The following SOS2 variants were observed in gnomAD, a reference collection of about 807,000 sequenced individuals.
SOS2 encodes the protein son of sevenless homolog 2.
A neutral mutation model predicts 148.2 loss-of-function variants in SOS2; 65 were observed. The ratio of observed to expected loss-of-function variants is 0.44; its 90% CI spans 0.36 to 0.54. SOS2 has a LOEUF of 0.54. SOS2 is among the 20% of genes least tolerant of loss of function. The probability of loss-of-function intolerance (pLI) is 0.00; values close to 1 mark genes in which losing one functional copy is unlikely to be tolerated. For missense variants in SOS2, 1,341 were observed against 1,590.2 expected, an observed-to-expected ratio of 0.84 and a Z score of 2.67; for synonymous variants, 539 against 537.1, an observed-to-expected ratio of 1.00 and a Z score of -0.05.
chr14:50,192,025 G>A (rs1300712724), intron 4 of SOS2, among the ~76,000 whole-genome samples: 1 of 149,572 alleles, frequency 6.7e-6, no homozygotes, highest in Non-Finnish European at 1.5e-5. Flanking sequence ...GGTGGTTCAA[G>A]CCTGTGGTCC....
At chr14:50,140,189 G>A (rs1475510222) in intron 16 of SOS2, 130 bp from the exon 17 acceptor site, 1 of 553,384 alleles carries the variant, frequency 1.8e-6, no homozygotes. Context: ...AAGATGAGTG[G>A]TATTCCTTTG....
At chr14:50,188,450 C>A in intron 5 of SOS2, 47 bp downstream of exon 5, 1 of 1,232,434 alleles carries the variant, frequency 8.1e-7, no homozygotes, top group South Asian at 1.3e-5. Flanking sequence ...TTAAGCTGGT[C>A]TGGTTTTTTG....
chr14:50,227,704 T>C (rs1887422677), intron 1 of SOS2, among the ~76,000 whole-genome samples: 1 of 152,240 alleles, frequency 6.6e-6, no homozygotes, highest in Non-Finnish European at 1.5e-5. Flanking sequence ...ATTACAGGCA[T>C]GAGCCACTGC....
In SOS2 at chr14:50,156,979, A is replaced by AT. The variant is rs1884842647; in HGVS notation, c.2057+19_2057+20insA. 2.2e-6 allele frequency: 3 copies of AT among 1,346,844 alleles called. No homozygotes were observed. Among genetic ancestry groups the AT allele is most frequent in the Non-Finnish European group, 2.0e-6 (2 of 977,374 alleles). 83.4% of individuals were successfully genotyped at this position (1,346,844 alleles called of 1,614,324 possible). On this transcript the variant is annotated intron_variant, in intron 12 of 22. Transcript: ENST00000216373. ...TATATATGTGTATATATATATATATAAAAAATATTCAAGCCAAACCTAAGT... is the reference window on the plus strand; with the variant it reads ...TATATATGTGTATATATATATATATATAAAAATATTCAAGCCAAACCTAAGT...
In SOS2 at chr14:50,157,106, CT is replaced by C; in HGVS notation, c.1949del (p.Glu650GlyfsTer12). 6.2e-7 allele frequency: 1 copy of C among 1,611,264 alleles called. No individual in the cohort carries two copies. The highest frequency in any genetic ancestry group is 8.5e-7 in the Non-Finnish European group (1 of 1,178,280). ...SLLIERFEIP[E>X]PEPTDADKLA... ...ATTTGTCTGCGTCAGTAGGTTCTGGCTCTGGAATTTCAAACCTAAGAAGAAA... is the reference window on the plus strand; with the variant it reads ...ATTTGTCTGCGTCAGTAGGTTCTGGCCTGGAATTTCAAACCTAAGAAGAAA... On this transcript the variant is annotated frameshift_variant, in exon 12 of 23. Coordinates refer to ENST00000216373, the MANE Select transcript of SOS2 (RefSeq NM_006939.4). LOFTEE classifies it high-confidence loss of function.
chr14:50,134,216 G>A lies in SOS2; in HGVS notation c.2982C>T (p.Pro994=), dbSNP rs1432970491. ...ACTCTTTTTCAGATGCACTTCCCATGGGGTTAAGGTTTTCAAAGAATCTCT... is the reference window on the plus strand; with the variant it reads ...ACTCTTTTTCAGATGCACTTCCCATAGGGTTAAGGTTTTCAAAGAATCTCT... ...DMRRFFENLN[P]MGSASEKEFT... is the part of the protein sequence containing the mutation. The change falls in exon 19 of 23, where the codon CCC becomes CCT. Residue 994 remains proline, a synonymous_variant. Transcript: ENST00000216373. The A allele has an allele frequency of 1.3e-6, 2 of 1,585,658 alleles. No homozygotes were observed. The highest frequency in any genetic ancestry group is 1.7e-6 in the Non-Finnish European group (2 of 1,157,732).
intron 14 of SOS2, among the ~76,000 whole-genome samples, chr14:50,147,867 AT>A (rs1306999431): frequency 6.6e-6 from 1 of 152,124 alleles, no homozygotes; most frequent in Non-Finnish European, 1.5e-5. Context: ...CACACCTGTA[AT>A]CCCAGCACCT....
intron 7 of SOS2, among the ~76,000 whole-genome samples, chr14:50,175,195 A>G (rs1885483733): frequency 6.6e-6 from 1 of 152,214 alleles, no homozygotes; most frequent in Non-Finnish European, 1.5e-5. Context: ...AGGTATGAGA[A>G]CTTTACAAGC....
intron 6 of SOS2, among the ~76,000 whole-genome samples, chr14:50,182,112 T>C (rs897459291): frequency 1.3e-5 from 2 of 152,068 alleles, no homozygotes; most frequent in African/African-American, 4.8e-5. Flanking sequence ...ATATAGGCAA[T>C]GTGATTTTAG....
At chr14:50,209,276 T>C (rs1432738171) in intron 1 of SOS2, among the ~76,000 whole-genome samples, 1 of 41,184 alleles carries the variant, frequency 2.4e-5, no homozygotes, top group Non-Finnish European at 3.8e-5. Context: ...TTAAATGTCG[T>C]GTGTGTGTGT....
At position 50,202,128 on chromosome 14, in the gene SOS2, A is replaced by G. The variant is rs77031319; in HGVS notation, c.214-1044T>C. ...CAAGCACATACCCCTACTCTTGGCT[A>G]ATTTTTCTATTTTTTGTAGAGACAG... On this transcript the variant is annotated intron_variant, in intron 2 of 22. Transcript: ENST00000216373. Among the ~76,000 whole-genome samples, 1,392 of 152,210 alleles carry G rather than the reference A, an allele frequency of 9.1e-3. 19 individuals are homozygous for G. Among genetic ancestry groups the G allele is most frequent in the African/African-American group, 0.031 (1,279 of 41,522 alleles).
intron 4 of SOS2, among the ~76,000 whole-genome samples, chr14:50,197,915 C>T (rs1276383564): frequency 6.6e-6 from 1 of 151,712 alleles, no homozygotes; most frequent in Non-Finnish European, 1.5e-5. Context: ...GGTTTGAACT[C>T]CTGACCTTAA....
intron 21 of SOS2, among the ~76,000 whole-genome samples, chr14:50,125,579 A>G (rs1883655287): frequency 7.5e-6 from 1 of 132,460 alleles, no homozygotes; most frequent in Non-Finnish European, 1.6e-5. Flanking sequence ...ATTATAATGT[A>G]TATGGAGACA....
chr14:50,229,295 T>C (rs1887467566), intron 1 of SOS2, among the ~76,000 whole-genome samples: 1 of 152,312 alleles, frequency 6.6e-6, no homozygotes, highest in South Asian at 2.1e-4. Context: ...AGTAAGTTAA[T>C]AGAAAATGTT....
chr14:50,187,985 A>G (rs1271938445), intron 5 of SOS2, among the ~76,000 whole-genome samples: 1 of 152,216 alleles, frequency 6.6e-6, no homozygotes, highest in Non-Finnish European at 1.5e-5. Flanking sequence ...ACCCCAGTAT[A>G]AACCTCCTTC....
At chr14:50,228,884 A>G (rs1196867811) in intron 1 of SOS2, among the ~76,000 whole-genome samples, 3 of 152,228 alleles carry the variant, frequency 2.0e-5, no homozygotes, top group African/African-American at 7.2e-5. Context: ...AAGTGAATTA[A>G]TGAAGCTAGA....
intron 10 of SOS2, 25 bp from the exon 11 acceptor site, chr14:50,158,671 G>A: frequency 2.1e-6 from 3 of 1,450,004 alleles, no homozygotes; most frequent in Admixed American, 1.8e-5. Flanking sequence ...CATAAAATAG[G>A]TTTCATGTTT....
chr14:50,145,427 G>A lies in SOS2; in HGVS notation c.2504+50C>T, dbSNP rs1298772514. On this transcript the variant is annotated intron_variant, in intron 15 of 22. Coordinates refer to ENST00000216373, the MANE Select transcript of SOS2 (RefSeq NM_006939.4). ...GTAGCCAGAATTTTAGCTTAAATATGACTTAATATTATGGCTATTAGGAGG... is the reference window on the plus strand; with the variant it reads ...GTAGCCAGAATTTTAGCTTAAATATAACTTAATATTATGGCTATTAGGAGG... 5 of 1,570,302 alleles carry A rather than the reference G, an allele frequency of 3.2e-6. No individual in the cohort carries two copies. The African/African-American group carries it at 4.1e-5, about 13-fold the overall frequency.
At position 50,164,457 on chromosome 14, in the gene SOS2, T is replaced by C. The variant is rs776974326; in HGVS notation, c.1069-2848A>G. Among the ~76,000 whole-genome samples, 56 of 149,610 alleles carry C rather than the reference T, an allele frequency of 3.7e-4. 1 individual carries two copies. The highest frequency in any genetic ancestry group is 3.4e-3 in the Middle Eastern group (1 of 292). On this transcript the variant is annotated intron_variant, in intron 8 of 22. Transcript: ENST00000216373. The stretch of plus-strand genomic sequence containing the variant: ...TCTGTCCCCCGCAAAAAAATGAAAA[T>C]AAAAATAAAAAATACAAAAAAAAAT...
Sources: allele counts gnomAD v4.1 joint callset (sites outside exome capture counted in the v4.1 genomes callset), GRCh38; gene constraint gnomAD v4.1.1; transcripts MANE v1.5; gene names NCBI Gene and HGNC (gene_info 2026-07-23, HGNC 2026-07-21).